Variants in CTBP2 observed in about 807,000 individuals in gnomAD.
The protein encoded by CTBP2 is C-terminal binding protein 2.
In CTBP2, 30 loss-of-function variants were observed where a neutral mutation model predicts 80.3. That is an observed-to-expected ratio of 0.37 (90% CI 0.28 to 0.51). The LOEUF is 0.51. Ranked by LOEUF, CTBP2 falls within the 20% of genes least tolerant of loss-of-function variation. The probability of loss-of-function intolerance (pLI) is 0.93; values close to 1 mark genes in which losing one functional copy is unlikely to be tolerated. For missense variants in CTBP2, 1,212 were observed against 1,375.3 expected, an observed-to-expected ratio of 0.88 and a Z score of 1.88; for synonymous variants, 594 against 587.4, an observed-to-expected ratio of 1.01 and a Z score of -0.16.
intron 1 of CTBP2, among the ~76,000 whole-genome samples, chr10:125,008,024 G>T (rs1361291442): frequency 6.6e-6 from 1 of 151,672 alleles, no homozygotes; most frequent in Non-Finnish European, 1.5e-5. Flanking sequence ...TCCGCTCACT[G>T]CAACCTCCAC....
intron 2 of CTBP2, among the ~76,000 whole-genome samples, chr10:125,087,478 T>C (rs967794506): frequency 3.9e-5 from 6 of 152,184 alleles, no homozygotes; most frequent in African/African-American, 1.4e-4. Flanking sequence ...TGAGGACGAA[T>C]GTCCACACCT....
intron 2 of CTBP2, among the ~76,000 whole-genome samples, chr10:125,089,532 GTTTCTC>G (rs1848472452): frequency 6.6e-6 from 1 of 152,090 alleles, no homozygotes; most frequent in Admixed American, 6.5e-5. Flanking sequence ...TGTTTGGGCT[GTTTCTC>G]TTTCTGAGTC....
chr10:125,124,514 A>C (rs1854896211), intron 1 of CTBP2, among the ~76,000 whole-genome samples: 1 of 152,240 alleles, frequency 6.6e-6, no homozygotes, highest in Non-Finnish European at 1.5e-5. Flanking sequence ...TGTATAGATA[A>C]AAAATAAGCA....
Position 124,998,058 on chromosome 10 carries a change from C to G in CTBP2, c.2091G>C (p.Arg697=). The G allele has an allele frequency of 1.2e-6, 2 of 1,613,262 alleles. No individual in the cohort carries two copies. Among genetic ancestry groups the G allele is most frequent in the South Asian group, 2.2e-5 (2 of 91,016 alleles). The change falls in exon 4 of 9, where the codon CGG becomes CGC. Residue 697 remains arginine, a synonymous_variant. Coordinates refer to ENST00000309035, the MANE Select transcript of CTBP2 (RefSeq NM_022802.3). Reference sequence around the variant, plus strand: ...CCACGCTCTGAACCCGCGTGCCTTCCCGCAGTGCCTGGTACAGCCACGTGT... The same window carrying G: ...CCACGCTCTGAACCCGCGTGCCTTCGCGCAGTGCCTGGTACAGCCACGTGT...
intron 4 of CTBP2, chr10:124,996,049 T>TTTTTTTG (rs1953482354): frequency 6.1e-4 from 1 of 1,636 alleles, no homozygotes; most frequent in African/African-American, 8.3e-4. Flanking sequence ...TATTTCTTTG[T>TTTTTTTG]TTTTTTTTTT....
intron 1 of CTBP2, among the ~76,000 whole-genome samples, chr10:125,134,979 C>T (rs757688452): frequency 3.9e-5 from 6 of 151,998 alleles, no homozygotes; most frequent in Non-Finnish European, 5.9e-5. Flanking sequence ...AGCCAACCCC[C>T]GGGGACCTTA....
chr10:125,005,833 G>C (rs564257778), intron 1 of CTBP2: 1 of 1,597,262 alleles, frequency 6.3e-7, no homozygotes, highest in South Asian at 1.1e-5. Flanking sequence ...CCCACACACA[G>C]TGAGGAACAC....
intron 1 of CTBP2, among the ~76,000 whole-genome samples, chr10:125,153,004 C>T (rs7095084): frequency 1.6e-3 from 248 of 152,340 alleles, no homozygotes; most frequent in African/African-American, 5.8e-3. Flanking sequence ...ATCAGGGTCT[C>T]GGGTGTTTGC....
chr10:125,021,528 C>G (rs771469328), intron 1 of CTBP2, among the ~76,000 whole-genome samples: 1 of 150,696 alleles, frequency 6.6e-6, no homozygotes, highest in East Asian at 1.9e-4. Flanking sequence ...GGTTCAGGCA[C>G]TCGCTGAGTT....
At chr10:125,123,696 T>C (rs1854722181) in intron 1 of CTBP2, among the ~76,000 whole-genome samples, 1 of 152,082 alleles carries the variant, frequency 6.6e-6, no homozygotes, top group South Asian at 2.1e-4. Flanking sequence ...GGCCCCGGGG[T>C]GCATCCTGTC....
chr10:125,161,170 C>G (rs1301538978), upstream of CTBP2: 1 of 151,960 alleles, frequency 6.6e-6, no homozygotes, highest in Non-Finnish European at 1.5e-5. Flanking sequence ...CAAATCGGCT[C>G]TCTCGGGGGA....
rs1036823631 is a variant in CTBP2, at chr10:124,985,636, G to A, written c.*3882C>T. ...ACATTGCTTACTTGTTTTGAAGAGG[G>A]TTTTGGTTTTGGTTATTGTGTCTTT... is the stretch of plus-strand genomic sequence containing the variant. On this transcript the variant is annotated 3_prime_UTR_variant, in exon 9 of 9. Transcript: ENST00000309035. 4 of 126,764 alleles carry A rather than the reference G, an allele frequency of 3.2e-5. No homozygotes were observed. The highest frequency in any genetic ancestry group is 1.1e-4 in the African/African-American group (4 of 36,466). The allele number at this position is 126,764 out of a possible 1,614,324, so 7.9% of individuals were successfully genotyped here.
chr10:125,116,143 C>T (rs981741785), intron 1 of CTBP2, among the ~76,000 whole-genome samples: 1 of 152,182 alleles, frequency 6.6e-6, no homozygotes, highest in Non-Finnish European at 1.5e-5. Context: ...CCACCGACTC[C>T]AGGCCCGAAC....
At chr10:125,093,278 G>A (rs904679556) in intron 2 of CTBP2, among the ~76,000 whole-genome samples, 1 of 152,130 alleles carries the variant, frequency 6.6e-6, no homozygotes, top group South Asian at 2.1e-4. Flanking sequence ...GGAACCCTGC[G>A]GCCCACAAGG....
At chr10:125,144,167 C>G (rs73379151) in intron 1 of CTBP2, among the ~76,000 whole-genome samples, 20,023 of 152,172 alleles carry the variant, frequency 0.13, 2,827 homozygotes, top group African/African-American at 0.36. Context: ...ACCTTTCAAC[C>G]CGGGGGACTC....
chr10:125,145,426 G>A (rs1858584663), intron 1 of CTBP2, among the ~76,000 whole-genome samples: 1 of 152,146 alleles, frequency 6.6e-6, no homozygotes. Context: ...GACTGACTGA[G>A]TCACTCGTGA....
chr10:125,097,869 C>A (rs577951033), intron 2 of CTBP2, among the ~76,000 whole-genome samples: 45 of 152,232 alleles, frequency 3.0e-4, no homozygotes, highest in Non-Finnish European at 4.0e-4. Context: ...CCCAGCACAG[C>A]ACCTTGGGAG....
chr10:125,087,423 A>G (rs141291017), intron 2 of CTBP2, among the ~76,000 whole-genome samples: 86 of 152,202 alleles, frequency 5.7e-4, no homozygotes, highest in African/African-American at 2.0e-3. Flanking sequence ...CAGTGGCATG[A>G]TGCGCTGGGC....
chr10:125,036,373 C>T (rs960000729), intron 3 of CTBP2, among the ~76,000 whole-genome samples: 8 of 151,826 alleles, frequency 5.3e-5, no homozygotes, highest in African/African-American at 1.5e-4. Flanking sequence ...GTGTAGCAGG[C>T]GGGAGGGGAC....
Sources: allele counts gnomAD v4.1 joint callset (sites outside exome capture counted in the v4.1 genomes callset), GRCh38; gene constraint gnomAD v4.1.1; transcripts MANE v1.5; gene names NCBI Gene and HGNC (gene_info 2026-07-23, HGNC 2026-07-21).